The following C4orf50 variants were observed in gnomAD, a reference collection of about 807,000 sequenced individuals.
The protein encoded by C4orf50 is chromosome 4 open reading frame 50.
In C4orf50, 80 loss-of-function variants were observed where a neutral mutation model predicts 77.2. That is an observed-to-expected ratio of 1.04 (90% CI 0.87 to 1.25). The LOEUF (loss-of-function observed/expected upper bound fraction) is 1.25, where lower values mean the gene tolerates loss of function less well. Among genes scored for constraint, C4orf50 ranks in the 50% most tolerant of loss-of-function variants. C4orf50 has a pLI of 0.00. For missense variants in C4orf50, 1,257 were observed against 1,152.9 expected (o/e 1.09, Z -1.31); for synonymous variants, 532 against 465.3 (o/e 1.14, Z -1.84).
In C4orf50 at chr4:6,011,739, T is replaced by G; in HGVS notation, c.426+91A>C. On this transcript the variant is annotated intron_variant, in intron 24 of 33. Transcript: ENST00000531445. The surrounding 1 kb of genome is among the most constrained non-coding windows in gnomAD (Gnocchi z 4.2). ...TGACTGGGCTCTCCCAGGCCCACCC[T>G]GTACTGTCTTTGCCCAACTGCAGCT... is the stretch of plus-strand genomic sequence containing the variant. The G allele has an allele frequency of 2.5e-6, 1 of 398,662 alleles. No individual in the cohort carries two copies. The highest frequency in any genetic ancestry group is 4.4e-6 in the Non-Finnish European group (1 of 226,088). 24.7% of individuals were successfully genotyped at this position (398,662 alleles called of 1,614,324 possible). A position where few individuals can be genotyped will look rare whatever the true frequency, so the allele number is the denominator to read the frequency against.
chr4:5,960,466 C>T (rs544466733), intron 33 of C4orf50, among the ~76,000 whole-genome samples: 3 of 152,290 alleles, frequency 2.0e-5, no homozygotes, highest in South Asian at 2.1e-4. Context: ...CAAGAGCAGC[C>T]GCAGGTTTGC....
At chr4:5,899,630 G>A (rs1399147632) in intron 7 of C4orf50, 2 of 152,232 alleles carry the variant, frequency 1.3e-5, no homozygotes, top group Non-Finnish European at 2.9e-5. Flanking sequence ...AAATAAATAT[G>A]AGTCTAGCAC....
rs886257987 is a variant in C4orf50, at chr4:5,992,350, A to T, written c.1221+453T>A. Among the ~76,000 whole-genome samples the T allele has an allele frequency of 6.6e-6, 1 of 152,070 alleles. No homozygotes were observed. The highest frequency in any genetic ancestry group is 1.5e-5 in the Non-Finnish European group (1 of 68,018). ...AAGGTTACGACTGCCTCAGCCTCAG[A>T]GCGAGCCATGGGAGGTGAGTTGGGA... On this transcript the variant is annotated intron_variant, in intron 27 of 33. Transcript: ENST00000531445. This position sits in a 1 kb window ranked among gnomAD's most constrained non-coding sequence, Gnocchi z 5.0.
At chr4:5,920,086 T>C (rs905895948) in intron 7 of C4orf50, among the ~76,000 whole-genome samples, 3 of 152,238 alleles carry the variant, frequency 2.0e-5, no homozygotes, top group African/African-American at 7.2e-5. Context: ...GTGTAGGTTA[T>C]ATGCAAATGC....
intron 33 of C4orf50, among the ~76,000 whole-genome samples, chr4:5,963,187 T>C (rs28569869): frequency 0.67 from 101,247 of 151,596 alleles, 34,606 homozygotes; most frequent in African/African-American, 0.74. Flanking sequence ...TTAGTAGAGA[T>C]GGGGTTTCAC....
chr4:6,002,656 C>G (rs547707305), intron 25 of C4orf50, among the ~76,000 whole-genome samples: 20 of 152,336 alleles, frequency 1.3e-4, no homozygotes, highest in Admixed American at 3.9e-4. Flanking sequence ...AGCTTCCCCC[C>G]ACCAGGTGGG....
rs1722742854 is a variant in C4orf50, at chr4:6,018,010, G to A, written c.287+135C>T. The A allele has an allele frequency of 2.5e-6, 1 of 397,126 alleles. No individual in the cohort carries two copies. The highest frequency in any genetic ancestry group is 4.4e-6 in the Non-Finnish European group (1 of 225,630). The allele number at this position is 397,126 out of a possible 1,614,324, so 24.6% of individuals were successfully genotyped here. On this transcript the variant is annotated intron_variant, in intron 23 of 33. Coordinates refer to ENST00000531445, the Ensembl canonical transcript of C4orf50. The surrounding 1 kb of genome is among the most constrained non-coding windows in gnomAD (Gnocchi z 5.1). Reference sequence around the variant, plus strand: ...CGGGAGGAGCAGAAGGCAAGTGACTGCGTGGGCAGGTTACGTGTCTTTGGT... The same window carrying A: ...CGGGAGGAGCAGAAGGCAAGTGACTACGTGGGCAGGTTACGTGTCTTTGGT...
At chr4:5,990,070 A>T (rs1440860005) in exon 28 of C4orf50, 1 of 1,339,870 alleles carries the variant, frequency 7.5e-7, no homozygotes, top group Non-Finnish European at 9.5e-7. Flanking sequence ...CTCTGATGAC[A>T]GTCCTCCTCG....
At position 6,007,816 on chromosome 4, in the gene C4orf50, G is replaced by C. The variant is rs1013479879; in HGVS notation, c.963+180C>G. Reference sequence around the variant, plus strand: ...TGCACTGAATGAGTATGTGAGGTTAGATGGGAGGGTGGGTGGGGAGGTGAG... The same window carrying C: ...TGCACTGAATGAGTATGTGAGGTTACATGGGAGGGTGGGTGGGGAGGTGAG... On this transcript the variant is annotated intron_variant, in intron 25 of 33. Coordinates refer to ENST00000531445, the Ensembl canonical transcript of C4orf50. This position sits in a 1 kb window ranked among gnomAD's most constrained non-coding sequence, Gnocchi z 4.1. 2.7e-5 allele frequency among the ~76,000 whole-genome samples: 4 copies of C among 146,670 alleles called. No individual in the cohort carries two copies. In the East Asian group the frequency reaches 8.1e-4, roughly 30 times the overall value.
At chr4:5,926,906 T>A (rs1717540479) in intron 7 of C4orf50, among the ~76,000 whole-genome samples, 1 of 152,192 alleles carries the variant, frequency 6.6e-6, no homozygotes, top group African/African-American at 2.4e-5. Flanking sequence ...GATCAGTACA[T>A]ATTTTATGAC....
intron 29 of C4orf50, among the ~76,000 whole-genome samples, chr4:5,976,328 C>G (rs186669575): frequency 7.2e-5 from 11 of 151,866 alleles, no homozygotes; most frequent in Non-Finnish European, 1.3e-4. Flanking sequence ...TGGTGGTGGG[C>G]ACCTGTAGTC....
intron 25 of C4orf50, among the ~76,000 whole-genome samples, chr4:5,995,331 C>T (rs752718980): frequency 1.7e-4 from 26 of 152,300 alleles, no homozygotes; most frequent in East Asian, 3.9e-4. Flanking sequence ...GCTCCAAATG[C>T]GACTGCCCGG....
exon 28 of C4orf50, chr4:5,988,935 C>G (rs545262873): frequency 2.3e-4 from 349 of 1,535,966 alleles, no homozygotes; most frequent in Non-Finnish European, 2.8e-4. Flanking sequence ...TCCTGACACT[C>G]TCAGACGTGG....
intron 7 of C4orf50, among the ~76,000 whole-genome samples, chr4:5,912,658 G>A (rs1716859799): frequency 6.6e-6 from 1 of 152,182 alleles, no homozygotes; most frequent in Non-Finnish European, 1.5e-5. Flanking sequence ...TTCCCTAGAG[G>A]AAGGGGCATG....
intron 7 of C4orf50, among the ~76,000 whole-genome samples, chr4:5,948,063 T>C (rs1407941337): frequency 6.6e-6 from 1 of 152,132 alleles, no homozygotes; most frequent in African/African-American, 2.4e-5. Context: ...AACCTGCTTT[T>C]CTCTCCCACA....
Position 5,968,966 on chromosome 4 carries a change from C to T in C4orf50, c.4105-1504G>A, listed in dbSNP as rs1719743137. Among the ~76,000 whole-genome samples the T allele has an allele frequency of 2.6e-5, 4 of 152,182 alleles. No homozygotes were observed. The South Asian group carries it at 8.3e-4, about 32-fold the overall frequency. On this transcript the variant is annotated intron_variant, in intron 31 of 33. Transcript: ENST00000531445. ...ACATTGGTCTGGAGTGGCTGCAGAG[C>T]CAGGCTTTCTCAAGTTGAGTCCTGC...
chr4:5,913,906 ATCTCCAAG>A (rs1455211983), intron 7 of C4orf50, among the ~76,000 whole-genome samples: 1 of 152,248 alleles, frequency 6.6e-6, no homozygotes, highest in Non-Finnish European at 1.5e-5. Context: ...CTGAGAATCA[ATCTCCAAG>A]AAATAGTCTT....
chr4:5,995,474 AACACAC>A (rs55858229), intron 25 of C4orf50, among the ~76,000 whole-genome samples: 15,821 of 133,902 alleles, frequency 0.12, 895 homozygotes, highest in Middle Eastern at 0.2. Flanking sequence ...TGGGACTGGA[AACACAC>A]ACACACACAC....
In C4orf50 at chr4:5,918,794, T is replaced by G. The variant is rs566045299; in HGVS notation, c.*2475-20606A>C. Among the ~76,000 whole-genome samples, 454 of 152,316 alleles carry G rather than the reference T, an allele frequency of 3.0e-3. 1 individual carries two copies. Among genetic ancestry groups the G allele is most frequent in the Non-Finnish European group, 5.4e-3 (365 of 68,024 alleles). Reference sequence around the variant, plus strand: ...CTGCAGGGGTCAGCCAGGTGTTGCTTCTCAGCCTGGAGGCATGCCAGAACG... The same window carrying G: ...CTGCAGGGGTCAGCCAGGTGTTGCTGCTCAGCCTGGAGGCATGCCAGAACG... On this transcript the variant is annotated intron_variant, in intron 7 of 7. Transcript: ENST00000324058.
Sources: gnomAD v4.1 joint callset for allele counts (sites outside exome capture counted in the v4.1 genomes callset) on GRCh38, gnomAD v4.1.1 for gene constraint, Gnocchi (gnomAD v3.1) non-coding constraint, MANE v1.5 for transcripts, NCBI Gene and HGNC (gene_info 2026-07-23, HGNC 2026-07-21) for gene names.